Variants in PHB1 observed in about 807,000 individuals in gnomAD.
PHB1 encodes the protein prohibitin 1, also known as epididymis luminal protein 215.
chr17:49,408,434 T>A, the PHB1 span, among the ~76,000 whole-genome samples: 1 of 152,206 alleles, frequency 6.6e-6, no homozygotes, highest in African/African-American at 2.4e-5. Context: ...TGAAACGCTA[T>A]CCTGCCTGCA....
At chr17:49,406,588 C>T in the PHB1 span, among the ~76,000 whole-genome samples, 6 of 152,218 alleles carry the variant, frequency 3.9e-5, no homozygotes, top group Non-Finnish European at 8.8e-5. Context: ...CCTTGACTAG[C>T]CCCTGAAGAC....
At chr17:49,408,805 A>G in the PHB1 span, 1 of 488,582 alleles carries the variant, frequency 2.0e-6, no homozygotes. Context: ...GTGGTTAGAG[A>G]CTATCTGGAT....
chr17:49,408,085 C>T, the PHB1 span, among the ~76,000 whole-genome samples: 1 of 152,156 alleles, frequency 6.6e-6, no homozygotes, highest in African/African-American at 2.4e-5. Context: ...TTTTACTCAG[C>T]GTTTTCTCAC....
chr17:49,406,840 G>A, the PHB1 span: 23 of 1,613,290 alleles, frequency 1.4e-5, no homozygotes, highest in South Asian at 1.1e-4. Context: ...ACTCCTTCCC[G>A]AAGGTCAGAT....
At chr17:49,409,188 G>A in the PHB1 span, 1 of 1,586,214 alleles carries the variant, frequency 6.3e-7, no homozygotes, top group Non-Finnish European at 8.7e-7. Context: ...CAGAAGGGCA[G>A]GTCAGGTTAA....
At chr17:49,407,078 C>T in the PHB1 span, 1 of 552,652 alleles carries the variant, frequency 1.8e-6, no homozygotes, top group Non-Finnish European at 3.3e-6. Flanking sequence ...CTGTCACTCT[C>T]AGTACAGTGA....
chr17:49,406,020 G>T, the PHB1 span, among the ~76,000 whole-genome samples: 2 of 152,132 alleles, frequency 1.3e-5, no homozygotes, highest in Admixed American at 1.3e-4. Flanking sequence ...ATACAATTTT[G>T]AAATGACTGG....
the PHB1 span, chr17:49,411,835 A>C: frequency 6.2e-7 from 1 of 1,613,578 alleles, no homozygotes; most frequent in Non-Finnish European, 8.5e-7. Context: ...TGTGCCCAGC[A>C]TCCACTAGGA....
At chr17:49,409,587 G>T in the PHB1 span, 1 of 828,678 alleles carries the variant, frequency 1.2e-6, no homozygotes, top group Non-Finnish European at 1.9e-6. Context: ...TGTTGCCTAG[G>T]CTGGAGTACA....
At chr17:49,409,411 G>C in the PHB1 span, 5 of 1,614,156 alleles carry the variant, frequency 3.1e-6, 1 homozygote, top group South Asian at 3.3e-5. Context: ...GTGAAGATGC[G>C]AGGAAGCTGG....
chr17:49,406,879 A>T, the PHB1 span: 2 of 1,541,746 alleles, frequency 1.3e-6, no homozygotes, highest in Non-Finnish European at 1.8e-6. Context: ...TGAGCACAAG[A>T]TGAGGCAGTG....
the PHB1 span, chr17:49,407,074 C>T: frequency 1.8e-6 from 1 of 560,890 alleles, no homozygotes; most frequent in Non-Finnish European, 3.2e-6. Flanking sequence ...TACTCTGTCA[C>T]TCTCAGTACA....
the PHB1 span, chr17:49,408,969 C>G: frequency 2.2e-6 from 2 of 903,402 alleles, no homozygotes; most frequent in Non-Finnish European, 3.5e-6. Flanking sequence ...ATAGCGTCTA[C>G]CCAGAAATGG....
At chr17:49,413,535 G>T in the PHB1 span, among the ~76,000 whole-genome samples, 2 of 145,210 alleles carry the variant, frequency 1.4e-5, no homozygotes, top group Non-Finnish European at 3.0e-5. Context: ...TGGAGACAGG[G>T]TCTTGCTCTG....
chr17:49,409,397 G>A, the PHB1 span: 9 of 1,614,144 alleles, frequency 5.6e-6, no homozygotes, highest in Non-Finnish European at 7.6e-6. Context: ...CCTCTCCGAT[G>A]CTGGTGAAGA....
chr17:49,408,078 T>C, the PHB1 span, among the ~76,000 whole-genome samples: 2 of 152,254 alleles, frequency 1.3e-5, no homozygotes, highest in East Asian at 3.8e-4. Flanking sequence ...CTTAGGTTTT[T>C]ACTCAGCGTT....
chr17:49,405,965 C>A, the PHB1 span, among the ~76,000 whole-genome samples: 2 of 152,172 alleles, frequency 1.3e-5, no homozygotes, highest in African/African-American at 2.4e-5. Flanking sequence ...GTGTGACCTT[C>A]AGGAGTGTGA....
the PHB1 span, chr17:49,413,261 C>T: frequency 1.2e-6 from 2 of 1,605,680 alleles, no homozygotes; most frequent in East Asian, 2.2e-5. Flanking sequence ...ACTTTGGCAG[C>T]CATGTTTCCT....
chr17:49,408,352 G>A, the PHB1 span, among the ~76,000 whole-genome samples: 8 of 152,276 alleles, frequency 5.3e-5, no homozygotes, highest in South Asian at 2.1e-4. Flanking sequence ...CTCACTGCCC[G>A]AACAAATCAC....
Sources: allele counts gnomAD v4.1 joint callset (sites outside exome capture counted in the v4.1 genomes callset), GRCh38; gene constraint gnomAD v4.1.1; transcripts MANE v1.5; gene names NCBI Gene and HGNC (gene_info 2026-07-23, HGNC 2026-07-21).